The following LMTK2 variants were observed in gnomAD, a reference collection of about 807,000 sequenced individuals.
LMTK2 encodes lemur tail kinase 2.
A neutral mutation model predicts 127.5 loss-of-function variants in LMTK2; 37 were observed. The ratio of observed to expected loss-of-function variants is 0.29; its 90% confidence interval spans 0.22 to 0.38. The LOEUF is 0.38. Ranked by LOEUF, LMTK2 falls within the 10% of genes least tolerant of loss-of-function variation. The probability of loss-of-function intolerance (pLI) is 1.00; values close to 1 mark genes in which losing one functional copy is unlikely to be tolerated. For synonymous variants in LMTK2, 819 were observed against 810.1 expected, an observed-to-expected ratio of 1.01 and a Z score of -0.19; for missense variants, 1,694 against 1,920.3, an observed-to-expected ratio of 0.88 and a Z score of 2.20.
chr7:98,123,878 G>A (rs1429340441), intron 1 of LMTK2, among the ~76,000 whole-genome samples: 1 of 151,984 alleles, frequency 6.6e-6, no homozygotes, highest in Non-Finnish European at 1.5e-5. Context: ...TTTTGTCTGT[G>A]TTCTACTGCT....
chr7:98,138,938 T>G (rs1383269281), intron 2 of LMTK2, among the ~76,000 whole-genome samples: 1 of 152,184 alleles, frequency 6.6e-6, no homozygotes, highest in Non-Finnish European at 1.5e-5. Flanking sequence ...TGTGACTGTG[T>G]AAAGAGTATT....
chr7:98,123,351 C>T (rs1372041651), intron 1 of LMTK2, among the ~76,000 whole-genome samples: 1 of 152,188 alleles, frequency 6.6e-6, no homozygotes, highest in Non-Finnish European at 1.5e-5. Context: ...TTACAACTGA[C>T]CCTATAGTGT....
chr7:98,158,661 C>T (rs1796966895), intron 5 of LMTK2, among the ~76,000 whole-genome samples: 1 of 151,938 alleles, frequency 6.6e-6, no homozygotes, highest in Non-Finnish European at 1.5e-5. Flanking sequence ...ATAGCATTTA[C>T]ATCGTATTAG....
intron 4 of LMTK2, among the ~76,000 whole-genome samples, chr7:98,153,167 A>G (rs925440026): frequency 1.5e-4 from 23 of 152,290 alleles, no homozygotes; most frequent in African/African-American, 5.5e-4. Context: ...GCAAGAGTGA[A>G]GGAGAGAGGG....
Position 98,121,798 on chromosome 7 carries a change from C to T in LMTK2, c.103+14518C>T, listed in dbSNP as rs190636857. On this transcript the variant is annotated intron_variant, in intron 1 of 13. Transcript: ENST00000297293. ...GCTGGATCGCTTGAGGCCAGGAGTT[C>T]GAGACCAGCCTGGGCAACATGGCAA... is the stretch of plus-strand genomic sequence containing the variant. Among the ~76,000 whole-genome samples, 10 of 152,064 alleles carry T rather than the reference C, an allele frequency of 6.6e-5. 1 individual carries two copies. Among genetic ancestry groups the T allele is most frequent in the East Asian group, 3.9e-4 (2 of 5,162 alleles).
At chr7:98,174,680 G>C (rs1419733034) in intron 7 of LMTK2, among the ~76,000 whole-genome samples, 1 of 152,208 alleles carries the variant, frequency 6.6e-6, no homozygotes, top group African/African-American at 2.4e-5. Flanking sequence ...GTACCTGGGT[G>C]ACCATTGTGT....
intron 7 of LMTK2, among the ~76,000 whole-genome samples, chr7:98,172,911 C>A (rs752204935): frequency 4.6e-5 from 7 of 152,250 alleles, no homozygotes; most frequent in Non-Finnish European, 1.0e-4. Context: ...GCACTTGCCA[C>A]CAGGCCTGGC....
chr7:98,134,075 A>C (rs1302282373), intron 1 of LMTK2, among the ~76,000 whole-genome samples: 1 of 152,196 alleles, frequency 6.6e-6, no homozygotes, highest in Non-Finnish European at 1.5e-5. Context: ...TGGGGTTTCA[A>C]GGAAAGCGAG....
intron 1 of LMTK2, among the ~76,000 whole-genome samples, chr7:98,118,171 T>G (rs531700774): frequency 2.6e-5 from 4 of 152,316 alleles, no homozygotes; most frequent in South Asian, 4.1e-4. Context: ...TCACTTAAAC[T>G]ATTAAATACC....
At chr7:98,150,084 C>T (rs1320307166) in intron 3 of LMTK2, among the ~76,000 whole-genome samples, 3 of 151,918 alleles carry the variant, frequency 2.0e-5, no homozygotes, top group Admixed American at 6.6e-5. Context: ...CCGAGGCGGG[C>T]GGATCACAAG....
chr7:98,109,604 C>T lies in LMTK2; in HGVS notation c.103+2324C>T, dbSNP rs1202732646. On this transcript the variant is annotated intron_variant, in intron 1 of 13. Transcript: ENST00000297293. ...ACTAAATATACAAAAATTAGCCGTG[C>T]GTGGTGGTGGGAGCCTGTAATCCCA... 3.3e-5 allele frequency among the ~76,000 whole-genome samples: 5 copies of T among 151,862 alleles called. No individual in the cohort carries two copies. In the East Asian group the frequency reaches 5.8e-4, roughly 18 times the overall value.
At position 98,191,983 on chromosome 7, in the gene LMTK2, G is replaced by T; in HGVS notation, c.1518G>T (p.Pro506=). The stretch of plus-strand genomic sequence containing the variant: ...TGTCCTACACGAGCATCTTCTATCC[G>T]GTTGAAGTTTTTGAGAGTTCGCTTT... The part of the protein sequence containing the change: ...EGLSYTSIFY[P]VEVFESSLSD... The change falls in exon 11 of 14, where the codon CCG becomes CCT. Residue 506 remains proline, a synonymous_variant. Transcript: ENST00000297293. 6.2e-7 allele frequency: 1 copy of T among 1,613,454 alleles called. No individual in the cohort carries two copies. The highest frequency in any genetic ancestry group is 2.2e-5 in the East Asian group (1 of 44,850).
In LMTK2 at chr7:98,196,054, G is replaced by A. The variant is rs751139608; in HGVS notation, c.4107+1482G>A. ...AAAATATAAAAATTAGCCAGTCACG[G>A]TAGGCAAGACTGCAGGCCCAGCTAC... is the stretch of plus-strand genomic sequence containing the variant. On this transcript the variant is annotated intron_variant, in intron 11 of 13. Transcript: ENST00000297293. Among the ~76,000 whole-genome samples, 5 of 152,188 alleles carry A rather than the reference G, an allele frequency of 3.3e-5. No homozygotes were observed. The South Asian group carries it at 6.2e-4, about 19-fold the overall frequency.
intron 7 of LMTK2, among the ~76,000 whole-genome samples, chr7:98,174,575 C>T (rs763205918): frequency 3.3e-5 from 5 of 152,184 alleles, no homozygotes; most frequent in East Asian, 3.9e-4. Context: ...GCCACCAGGT[C>T]GCTGTGATGA....
intron 1 of LMTK2, among the ~76,000 whole-genome samples, chr7:98,108,213 A>G (rs1796146575): frequency 6.6e-6 from 1 of 152,206 alleles, no homozygotes; most frequent in East Asian, 1.9e-4. Flanking sequence ...GTTGGGTCAA[A>G]TGACCTACCC....
intron 6 of LMTK2, among the ~76,000 whole-genome samples, chr7:98,160,467 G>A (rs1797001088): frequency 6.6e-6 from 1 of 152,164 alleles, no homozygotes; most frequent in Non-Finnish European, 1.5e-5. Context: ...ACTCATCTTA[G>A]GTGTTGGCTT....
At chr7:98,162,896 G>T (rs535091770) in intron 6 of LMTK2, among the ~76,000 whole-genome samples, 2 of 152,302 alleles carry the variant, frequency 1.3e-5, no homozygotes, top group Admixed American at 6.5e-5. Context: ...GGTGTCCATC[G>T]ATGGGTGAAT....
chr7:98,141,643 G>A, intron 3 of LMTK2, 102 bp downstream of exon 3: 1 of 1,128,278 alleles, frequency 8.9e-7, no homozygotes, highest in Admixed American at 2.0e-5. Context: ...TCTCCTCTTT[G>A]GTTTATTTCT....
At position 98,154,773 on chromosome 7, in the gene LMTK2, A is replaced by T; in HGVS notation, c.466A>T (p.Ile156Phe). ...GWFGKVLLGE[I>F]YTGTSVARVI... ...TTGATTTTAGGTTCTCTTGGGAGAG[A>T]TTTACACGGGCACTAGCGTAGCAAG... The change falls in exon 5 of 14, where the codon ATT becomes TTT. Residue 156 changes from isoleucine (I) to phenylalanine (F), a missense_variant. By Grantham distance (21) the Ile-to-Phe change is conservative. Transcript: ENST00000297293. The T allele has an allele frequency of 6.2e-7, 1 of 1,611,402 alleles. No homozygotes were observed. The highest frequency in any genetic ancestry group is 1.1e-5 in the South Asian group (1 of 90,990).
Sources: allele counts gnomAD v4.1 joint callset (sites outside exome capture counted in the v4.1 genomes callset), GRCh38; gene constraint gnomAD v4.1.1; transcripts MANE v1.5; gene names NCBI Gene and HGNC (gene_info 2026-07-23, HGNC 2026-07-21).